The following SLC38A11 variants were observed in gnomAD, a reference collection of about 807,000 sequenced individuals.
The protein encoded by SLC38A11 is putative sodium-coupled neutral amino acid transporter 11.
SLC38A11 carries 51 observed loss-of-function variants against 49.4 expected under a neutral mutation model. The observed-to-expected ratio is 1.03, with a 90% CI of 0.83 to 1.30. The LOEUF is 1.30. Ranked by LOEUF, SLC38A11 falls within the 50% of genes most tolerant of loss-of-function variation. The pLI is 0.00. For missense variants in SLC38A11, 574 were observed against 556.2 expected, an observed-to-expected ratio of 1.03 and a Z score of -0.32; for synonymous variants, 203 against 192.9, an observed-to-expected ratio of 1.05 and a Z score of -0.43.
intron 11 of SLC38A11, 40 bp downstream of exon 11, chr2:164,908,600 G>T (rs759907623): frequency 9.6e-6 from 14 of 1,454,172 alleles, no homozygotes; most frequent in Non-Finnish European, 1.1e-5. Flanking sequence ...CTTTTAAAGA[G>T]AATTTTAGAG....
At chr2:164,916,232 T>C (rs756951799) in intron 7 of SLC38A11, among the ~76,000 whole-genome samples, 1 of 152,152 alleles carries the variant, frequency 6.6e-6, no homozygotes, top group Non-Finnish European at 1.5e-5. Flanking sequence ...CCAGACTATG[T>C]AATTTTGTGA....
chr2:164,901,464 T>A (rs1684648233), intron 11 of SLC38A11, among the ~76,000 whole-genome samples: 1 of 152,156 alleles, frequency 6.6e-6, no homozygotes, highest in Non-Finnish European at 1.5e-5. Flanking sequence ...GTTTTCAGTA[T>A]ACAAATTTTT....
Position 164,934,629 on chromosome 2 carries a change from T to C in SLC38A11, c.617+2721A>G, listed in dbSNP as rs187009397. On this transcript the variant is annotated intron_variant, in intron 7 of 11. Transcript: ENST00000685975. ...TAATTTACTTCCTACTTTAGCTATG[T>C]TTCCCCCTCAATATTGCCTCATAAT... Among the ~76,000 whole-genome samples, 180 of 152,314 alleles carry C rather than the reference T, an allele frequency of 1.2e-3. 1 individual carries two copies. The highest frequency in any genetic ancestry group is 4.2e-3 in the African/African-American group (175 of 41,574).
chr2:164,911,705 T>A lies in SLC38A11; in HGVS notation c.894A>T (p.Thr298=), dbSNP rs1281203478. 4 of 1,606,944 alleles carry A rather than the reference T, an allele frequency of 2.5e-6. No homozygotes were observed. The Admixed American group carries it at 6.8e-5, about 27-fold the overall frequency. ...TGACACCATAACAAAATCTTCCAAA[T>A]GTTACCAGGTCATCATTTCTGCAGT... ...ENYCRNDDLV[T]FGRFCYGVTV... is the part of the protein sequence containing the mutation. Residue 298 remains threonine, a synonymous_variant, in exon 10 of 12, where the codon ACA becomes ACT. Transcript: ENST00000685975.
chr2:164,953,772 CAG>C (rs1688674943), intron 2 of SLC38A11, among the ~76,000 whole-genome samples: 2 of 152,126 alleles, frequency 1.3e-5, no homozygotes, highest in African/African-American at 4.8e-5. Flanking sequence ...AAGGTGATGA[CAG>C]AAACAAAAAT....
At chr2:164,911,154 A>G (rs900059258) in intron 10 of SLC38A11, among the ~76,000 whole-genome samples, 40 of 152,080 alleles carry the variant, frequency 2.6e-4, no homozygotes, top group Non-Finnish European at 3.2e-4. Flanking sequence ...GGAATATAAG[A>G]TATTTTAGTT....
intron 10 of SLC38A11, among the ~76,000 whole-genome samples, chr2:164,910,238 A>C (rs1371009460): frequency 4.6e-5 from 7 of 152,062 alleles, no homozygotes; most frequent in Non-Finnish European, 8.8e-5. Context: ...CTAGAAAGGA[A>C]ACTCAAGTTT....
intron 4 of SLC38A11, among the ~76,000 whole-genome samples, chr2:164,945,370 C>T (rs768396797): frequency 2.0e-5 from 3 of 151,044 alleles, no homozygotes; most frequent in Non-Finnish European, 4.4e-5. Context: ...CAAACATTAA[C>T]CTAGTGAAAA....
At chr2:164,947,965 G>T (rs1467890048) in intron 3 of SLC38A11, among the ~76,000 whole-genome samples, 1 of 152,022 alleles carries the variant, frequency 6.6e-6, no homozygotes, top group Non-Finnish European at 1.5e-5. Flanking sequence ...TTCCTACCAA[G>T]ACATTCTCAA....
chr2:164,896,461 C>T lies in SLC38A11; in HGVS notation c.*1976G>A, dbSNP rs1371646107. The T allele has an allele frequency of 6.6e-6, 1 of 151,932 alleles. No individual in the cohort carries two copies. Among genetic ancestry groups the T allele is most frequent in the East Asian group, 1.9e-4 (1 of 5,186 alleles). 9.4% of individuals were successfully genotyped at this position (151,932 alleles called of 1,614,324 possible). A position where few individuals can be genotyped will look rare whatever the true frequency, so the allele number is the denominator to read the frequency against. Reference sequence around the variant, plus strand: ...TTTGTACATGCTTAGAGATCTCATCCCTCATGACTTTATTTAATAATTATG... The same window carrying T: ...TTTGTACATGCTTAGAGATCTCATCTCTCATGACTTTATTTAATAATTATG... On this transcript the variant is annotated 3_prime_UTR_variant, in exon 12 of 12. Transcript: ENST00000685975.
rs143937086 is a variant in SLC38A11, at chr2:164,902,535, C to T, written c.1096-3805G>A. Among the ~76,000 whole-genome samples the T allele has an allele frequency of 5.3e-4, 80 of 152,134 alleles. 1 individual carries two copies. The East Asian group carries it at 0.015, about 29-fold the overall frequency. On this transcript the variant is annotated intron_variant, in intron 11 of 11. Transcript: ENST00000685975. ...GTAGAAAGAATAGTATAATGAAATC[C>T]TATGCAACTATCACCTATGGTTTAA...
At chr2:164,954,514 C>A in intron 2 of SLC38A11, 117 bp downstream of exon 2, 2 of 495,020 alleles carry the variant, frequency 4.0e-6, no homozygotes, top group Non-Finnish European at 3.6e-6. Context: ...AAGAAAATTA[C>A]CAATTTTCTT....
intron 7 of SLC38A11, among the ~76,000 whole-genome samples, chr2:164,931,380 T>C (rs1393529498): frequency 1.3e-5 from 2 of 152,192 alleles, no homozygotes; most frequent in East Asian, 3.9e-4. Flanking sequence ...GTCATTCCTA[T>C]TGAACTACCA....
intron 11 of SLC38A11, 68 bp downstream of exon 11, chr2:164,908,572 G>T: frequency 7.4e-7 from 1 of 1,360,404 alleles, no homozygotes; most frequent in Non-Finnish European, 9.8e-7. Context: ...TACATCTTAT[G>T]TTAAATGTAA....
chr2:164,926,401 TATAGCTTGTGGTG>T lies in SLC38A11; in HGVS notation c.618-10441_618-10429del, dbSNP rs370557650. Among the ~76,000 whole-genome samples, 692 of 152,320 alleles carry T rather than the reference TATAGCTTGTGGTG, an allele frequency of 4.5e-3. 3 individuals carry two copies. The highest frequency in any genetic ancestry group is 0.015 in the African/African-American group (607 of 41,562). ...AGTTACTTTCTAAATACAGAAGCTG[TATAGCTTGTGGTG>T]ATAGGGAAGTCAGGATCAGTGGGTG... is the stretch of plus-strand genomic sequence containing the variant. On this transcript the variant is annotated intron_variant, in intron 7 of 11. Coordinates refer to ENST00000685975, the MANE Select transcript of SLC38A11 (RefSeq NM_001351537.2).
chr2:164,924,143 G>A (rs1686407237), intron 7 of SLC38A11, among the ~76,000 whole-genome samples: 1 of 152,132 alleles, frequency 6.6e-6, no homozygotes, highest in Non-Finnish European at 1.5e-5. Context: ...CCATAAAAAA[G>A]AATGAAATCA....
chr2:164,935,642 C>T (rs1687319978), intron 7 of SLC38A11, among the ~76,000 whole-genome samples: 1 of 151,730 alleles, frequency 6.6e-6, no homozygotes, highest in Non-Finnish European at 1.5e-5. Context: ...ATGATTGCAC[C>T]ATTGCACTCC....
chr2:164,932,403 A>T (rs1358039396), intron 7 of SLC38A11, among the ~76,000 whole-genome samples: 1 of 152,150 alleles, frequency 6.6e-6, no homozygotes, highest in Non-Finnish European at 1.5e-5. Context: ...CAGCAATCCC[A>T]TTACTGAGTA....
chr2:164,947,647 T>C (rs1171361171), intron 3 of SLC38A11, among the ~76,000 whole-genome samples: 2 of 152,236 alleles, frequency 1.3e-5, no homozygotes, highest in African/African-American at 2.4e-5. Context: ...TGGTTATTGG[T>C]TCTGGAATTT....
Sources: gnomAD v4.1 joint callset for allele counts (sites outside exome capture counted in the v4.1 genomes callset) on GRCh38, gnomAD v4.1.1 for gene constraint, MANE v1.5 for transcripts, NCBI Gene and HGNC (gene_info 2026-07-23, HGNC 2026-07-21) for gene names.